The following WWP2 variants were observed in gnomAD, a reference collection of about 807,000 sequenced individuals.
WWP2 encodes WW domain containing E3 ubiquitin protein ligase 2, also known as NEDD4-like E3 ubiquitin-protein ligase WWP2.
In WWP2, 57 loss-of-function variants were observed where a neutral mutation model predicts 121.0. The ratio of observed to expected loss-of-function variants is 0.47; its 90% CI spans 0.38 to 0.59. WWP2 has a LOEUF of 0.59. WWP2 is among the 20% of genes least tolerant of loss of function. The pLI is 0.00. For synonymous variants in WWP2, 449 were observed against 441.3 expected (o/e 1.02, Z -0.22); for missense variants, 962 against 1,158.9 (o/e 0.83, Z 2.47).
At chr16:69,869,842 C>G (rs1349566686) in intron 6 of WWP2, among the ~76,000 whole-genome samples, 3 of 152,196 alleles carry the variant, frequency 2.0e-5, no homozygotes, top group Admixed American at 1.3e-4. Context: ...GTTCATATCC[C>G]TCAAGGAGCT....
At chr16:69,938,968 C>G in intron 21 of WWP2, 59 bp from the exon 22 acceptor site, 5 of 1,496,772 alleles carry the variant, frequency 3.3e-6, no homozygotes, top group Non-Finnish European at 4.6e-6. Flanking sequence ...GCTCCACGTT[C>G]GGGCAAAGTA....
chr16:69,917,294 T>C (rs2058491751), intron 9 of WWP2, among the ~76,000 whole-genome samples: 1 of 152,238 alleles, frequency 6.6e-6, no homozygotes, highest in South Asian at 2.1e-4. Flanking sequence ...TGTCTTCGGG[T>C]CCAAAATAAT....
intron 13 of WWP2, 55 bp downstream of exon 13, chr16:69,930,313 T>C (rs1385225064): frequency 2.5e-6 from 4 of 1,597,470 alleles, no homozygotes; most frequent in Middle Eastern, 1.7e-4. Context: ...CAGGCTGTCC[T>C]TGTTCTGGCT....
intron 1 of WWP2, among the ~76,000 whole-genome samples, chr16:69,778,950 TTTA>T (rs1214971981): frequency 3.1e-5 from 4 of 131,132 alleles, no homozygotes; most frequent in African/African-American, 1.2e-4. Context: ...CGGTTATTTA[TTTA>T]TTTATTTATT....
chr16:69,807,032 G>A (rs2056292577), intron 4 of WWP2, among the ~76,000 whole-genome samples: 1 of 145,454 alleles, frequency 6.9e-6, no homozygotes, highest in Admixed American at 6.9e-5. Flanking sequence ...ATTTATCTTT[G>A]TCTTTTTTTT....
At chr16:69,939,220 A>T in intron 22 of WWP2, 97 bp downstream of exon 22, 3 of 1,559,164 alleles carry the variant, frequency 1.9e-6, no homozygotes, top group Non-Finnish European at 2.6e-6. Flanking sequence ...CGTCAGTGGG[A>T]TGGAGAAGAG....
chr16:69,912,231 G>T (rs1377084072), intron 9 of WWP2, among the ~76,000 whole-genome samples: 1 of 151,912 alleles, frequency 6.6e-6, no homozygotes, highest in Admixed American at 6.6e-5. Flanking sequence ...GGAGGTTACA[G>T]TGAGCTGAGA....
At chr16:69,908,108 C>G (rs546047773) in intron 8 of WWP2, among the ~76,000 whole-genome samples, 1 of 152,126 alleles carries the variant, frequency 6.6e-6, no homozygotes, top group Non-Finnish European at 1.5e-5. Flanking sequence ...AGCTGGGCAT[C>G]GTAATGTGTG....
chr16:69,827,885 T>G (rs1332292331), intron 4 of WWP2: 1 of 455,922 alleles, frequency 2.2e-6, no homozygotes, highest in Non-Finnish European at 4.4e-6. Flanking sequence ...TCTGTATTTA[T>G]TTCCCCAGGT....
intron 5 of WWP2, among the ~76,000 whole-genome samples, chr16:69,840,806 G>C (rs8059645): frequency 6.6e-6 from 1 of 152,000 alleles, no homozygotes; most frequent in Non-Finnish European, 1.5e-5. Flanking sequence ...ATTTCATGAA[G>C]TCCGAGGTCT....
chr16:69,793,746 C>A (rs1271000475), intron 2 of WWP2, among the ~76,000 whole-genome samples: 1 of 151,952 alleles, frequency 6.6e-6, no homozygotes, highest in Non-Finnish European at 1.5e-5. Flanking sequence ...GGGGAAGTCA[C>A]AAATCTTGTG....
intron 4 of WWP2, among the ~76,000 whole-genome samples, chr16:69,806,182 CAG>C (rs2056271041): frequency 6.6e-6 from 1 of 152,116 alleles, no homozygotes; most frequent in Non-Finnish European, 1.5e-5. Flanking sequence ...GGCTGGACAG[CAG>C]AGTGAGACCC....
intron 4 of WWP2, among the ~76,000 whole-genome samples, chr16:69,813,654 G>A (rs930175555): frequency 2.0e-5 from 3 of 152,032 alleles, no homozygotes; most frequent in African/African-American, 7.2e-5. Context: ...TTTTTGTAGA[G>A]ACAGGGTTTC....
chr16:69,906,420 C>T (rs544897467), intron 8 of WWP2, among the ~76,000 whole-genome samples: 1 of 152,224 alleles, frequency 6.6e-6, no homozygotes, highest in Admixed American at 6.5e-5. Context: ...TCAATGCAGT[C>T]CACTAACCAG....
intron 5 of WWP2, among the ~76,000 whole-genome samples, chr16:69,840,839 A>G (rs1270406044): frequency 6.6e-6 from 1 of 152,194 alleles, no homozygotes; most frequent in African/African-American, 2.4e-5. Flanking sequence ...GTTTCTCCAT[A>G]ATTTTTCTCA....
At chr16:69,791,860 G>A (rs1173369529) in intron 2 of WWP2, among the ~76,000 whole-genome samples, 1 of 152,136 alleles carries the variant, frequency 6.6e-6, no homozygotes, top group African/African-American at 2.4e-5. Context: ...ATAGATGTGA[G>A]CCTCTGCACC....
chr16:69,826,537 A>G (rs2056694222), intron 4 of WWP2, among the ~76,000 whole-genome samples: 1 of 139,488 alleles, frequency 7.2e-6, no homozygotes, highest in South Asian at 2.3e-4. Flanking sequence ...GTGCCATTGC[A>G]CTCCAGGCTG....
intron 4 of WWP2, among the ~76,000 whole-genome samples, chr16:69,801,993 G>A (rs1000708124): frequency 3.3e-5 from 5 of 151,342 alleles, no homozygotes; most frequent in African/African-American, 1.2e-4. Context: ...GCAGTGGCGC[G>A]ATCTTGGCTC....
chr16:69,871,955 G>A, intron 7 of WWP2, 24 bp downstream of exon 7: 1 of 1,605,856 alleles, frequency 6.2e-7, no homozygotes, highest in Non-Finnish European at 8.5e-7. Flanking sequence ...CCGCACGCCA[G>A]CCTGCACTGA....
Sources: gnomAD v4.1 joint callset for allele counts (sites outside exome capture counted in the v4.1 genomes callset) on GRCh38, gnomAD v4.1.1 for gene constraint, MANE v1.5 for transcripts, NCBI Gene and HGNC (gene_info 2026-07-23, HGNC 2026-07-21) for gene names.